The following MIB1 variants were observed in gnomAD, a reference collection of about 807,000 sequenced individuals.
MIB1 encodes MIB E3 ubiquitin protein ligase 1.
A neutral mutation model predicts 124.5 loss-of-function variants in MIB1; 278 were observed. That is an observed-to-expected ratio of 2.23 (90% CI 2.02 to 2.47). The LOEUF (loss-of-function observed/expected upper bound fraction) is 2.47, where lower values mean the gene tolerates loss of function less well. MIB1 is among the 30% of genes most tolerant of loss of function. MIB1 has a pLI of 0.00. For synonymous variants in MIB1, 446 were observed against 429.4 expected (o/e 1.04, Z -0.48); for missense variants, 957 against 1,254.4 (o/e 0.76, Z 3.58).
intron 12 of MIB1, chr18:21,827,275 T>G (rs1157141499): frequency 1.3e-5 from 2 of 152,078 alleles, no homozygotes; most frequent in African/African-American, 2.4e-5. Context: ...TTGAAAATAC[T>G]CTTAGATAAG....
intron 10 of MIB1, among the ~76,000 whole-genome samples, chr18:21,806,222 G>C (rs997782312): frequency 7.4e-6 from 1 of 135,934 alleles, no homozygotes; most frequent in Non-Finnish European, 1.6e-5. Flanking sequence ...TTTTTTTTTT[G>C]ATACAGGGTC....
chr18:21,782,663 G>A (rs1011920511), intron 6 of MIB1, among the ~76,000 whole-genome samples: 3 of 152,074 alleles, frequency 2.0e-5, no homozygotes, highest in Non-Finnish European at 4.4e-5. Context: ...TTTGAATTTA[G>A]TGAGACTTGT....
rs903357543 is a variant in MIB1, at chr18:21,708,020, T to C, written n.167+2897T>C. Among the ~76,000 whole-genome samples the C allele has an allele frequency of 5.3e-5, 8 of 152,224 alleles. No homozygotes were observed. In the East Asian group the frequency reaches 1.5e-3, roughly 29 times the overall value. On this transcript the variant is annotated intron_variant and non_coding_transcript_variant, in intron 1 of 20. Coordinates refer to the MIB1 transcript ENST00000578646. ...CTTCCTCCTCTTTTAGAGGCACCAA[T>C]TCCATCATAGGGACCCTGTCCTCAT...
chr18:21,793,277 CA>C (rs901863943), intron 7 of MIB1, among the ~76,000 whole-genome samples: 172 of 152,242 alleles, frequency 1.1e-3, no homozygotes, highest in African/African-American at 3.9e-3. Flanking sequence ...CCTTTAAACT[CA>C]AAACTAACCA....
chr18:21,718,967 T>A (rs1408464210), intron 1 of MIB1, among the ~76,000 whole-genome samples: 6 of 151,830 alleles, frequency 4.0e-5, no homozygotes, highest in Non-Finnish European at 8.8e-5. Flanking sequence ...GGTGGGTGGA[T>A]CACCCTAGGT....
chr18:21,814,529 G>A lies in MIB1; in HGVS notation c.1480-1087G>A, dbSNP rs563542372. On this transcript the variant is annotated intron_variant, in intron 10 of 20. Transcript: ENST00000261537. Reference sequence around the variant, plus strand: ...GGCCAGGAGTTAAAGGCTGCAGTGAGCTATGACTGCCACTGCATTCCAGCC... The same window carrying A: ...GGCCAGGAGTTAAAGGCTGCAGTGAACTATGACTGCCACTGCATTCCAGCC... Among the ~76,000 whole-genome samples, 378 of 152,144 alleles carry A rather than the reference G, an allele frequency of 2.5e-3. 1 individual carries two copies. In the Middle Eastern group the frequency reaches 0.034, roughly 14 times the overall value.
chr18:21,769,167 C>A (rs1279664161), intron 3 of MIB1, among the ~76,000 whole-genome samples: 1 of 152,156 alleles, frequency 6.6e-6, no homozygotes, highest in Non-Finnish European at 1.5e-5. Flanking sequence ...GTTATCGAGC[C>A]CACCTACCTC....
intron 13 of MIB1, among the ~76,000 whole-genome samples, chr18:21,840,221 TACAA>T (rs2042070647): frequency 6.6e-6 from 1 of 152,140 alleles, no homozygotes; most frequent in African/African-American, 2.4e-5. Context: ...ATAGCAATCA[TACAA>T]ACTAAAAGAA....
chr18:21,847,081 G>A lies in MIB1; in HGVS notation c.2349G>A (p.Pro783=), dbSNP rs763044685. 1.2e-5 allele frequency: 20 copies of A among 1,614,004 alleles called. No individual in the cohort carries two copies. In the Admixed American group the frequency reaches 2.7e-4, roughly 22 times the overall value. The stretch of plus-strand genomic sequence containing the variant: ...CGCCACTTGATCTCTGTCCTGATCC[G>A]AATCTCTGCAAAGCACTGGCAAAGT... ...GQSPLDLCPD[P]NLCKALAKCH... is the part of the protein sequence containing the mutation. The change falls in exon 16 of 21, where the codon CCG becomes CCA. Residue 783 remains proline (P), a synonymous_variant. Coordinates refer to ENST00000261537, the MANE Select transcript of MIB1 (RefSeq NM_020774.4).
chr18:21,834,077 C>T (rs2042006186), intron 12 of MIB1, among the ~76,000 whole-genome samples: 1 of 152,164 alleles, frequency 6.6e-6, no homozygotes, highest in Non-Finnish European at 1.5e-5. Context: ...TAACAGTCTC[C>T]TCTTAATTAA....
At chr18:21,853,674 A>T (rs2042200629) in intron 18 of MIB1, among the ~76,000 whole-genome samples, 1 of 152,064 alleles carries the variant, frequency 6.6e-6, no homozygotes, top group Admixed American at 6.6e-5. Context: ...GTAAGCTTTT[A>T]TGTCAAGAGA....
intron 12 of MIB1, among the ~76,000 whole-genome samples, chr18:21,835,660 A>G (rs1251070753): frequency 6.6e-6 from 1 of 151,392 alleles, no homozygotes; most frequent in Non-Finnish European, 1.5e-5. Context: ...AATCCCAGCT[A>G]CTCGGGAGGC....
At chr18:21,745,323 T>C (rs1380857541) in intron 1 of MIB1, among the ~76,000 whole-genome samples, 1 of 152,178 alleles carries the variant, frequency 6.6e-6, no homozygotes, top group African/African-American at 2.4e-5. Context: ...TAGGATAATT[T>C]TTTGTTATAG....
chr18:21,825,036 G>A (rs1220755718), intron 12 of MIB1, among the ~76,000 whole-genome samples: 1 of 151,954 alleles, frequency 6.6e-6, no homozygotes, highest in East Asian at 1.9e-4. Flanking sequence ...ATGGAGAGGT[G>A]AAATATTTCA....
intron 2 of MIB1, 71 bp from the exon 3 acceptor site, chr18:21,768,552 T>G: frequency 2.7e-6 from 3 of 1,103,070 alleles, no homozygotes; most frequent in Non-Finnish European, 3.8e-6. Flanking sequence ...ATTTTTATAA[T>G]TTTGTTTTAA....
intron 12 of MIB1, among the ~76,000 whole-genome samples, chr18:21,832,244 T>C (rs1383158401): frequency 6.6e-6 from 1 of 152,160 alleles, no homozygotes; most frequent in Non-Finnish European, 1.5e-5. Context: ...TTATTATGAA[T>C]TCTACTTTAT....
At chr18:21,807,495 A>G (rs1175034317) in intron 10 of MIB1, among the ~76,000 whole-genome samples, 1 of 152,234 alleles carries the variant, frequency 6.6e-6, no homozygotes, top group African/African-American at 2.4e-5. Flanking sequence ...TCTAGGATAT[A>G]AGAATTAACA....
intron 1 of MIB1, among the ~76,000 whole-genome samples, chr18:21,743,262 C>T (rs2040875623): frequency 6.6e-6 from 1 of 152,190 alleles, no homozygotes; most frequent in Non-Finnish European, 1.5e-5. Context: ...CTTTTAAGTG[C>T]AAATGATAAT....
intron 4 of MIB1, among the ~76,000 whole-genome samples, chr18:21,774,953 ATTTATTTT>A (rs1355009494): frequency 2.7e-5 from 4 of 149,190 alleles, no homozygotes; most frequent in African/African-American, 9.9e-5. Context: ...TTATTTATTT[ATTTATTTT>A]TTGAGACACA....
Sources: allele counts gnomAD v4.1 joint callset (sites outside exome capture counted in the v4.1 genomes callset), GRCh38; gene constraint gnomAD v4.1.1; transcripts MANE v1.5; gene names NCBI Gene and HGNC (gene_info 2026-07-23, HGNC 2026-07-21).